Variants in SLIT2 observed in about 807,000 individuals in gnomAD.
SLIT2 encodes the protein slit homolog 2 protein.
In SLIT2, 41 loss-of-function variants were observed where a neutral mutation model predicts 185.7. The ratio of observed to expected loss-of-function variants is 0.22; its 90% confidence interval spans 0.17 to 0.29. SLIT2 has a LOEUF of 0.29. SLIT2 is among the 10% of genes least tolerant of loss of function. The pLI, the probability that SLIT2 is intolerant of heterozygous loss-of-function variation, is 1.00. For synonymous variants in SLIT2, 693 were observed against 680.2 expected (o/e 1.02, Z -0.29); for missense variants, 1,571 against 1,909.0 (o/e 0.82, Z 3.30).
chr4:20,301,319 T>G (rs1430220330), intron 4 of SLIT2, among the ~76,000 whole-genome samples: 1 of 152,198 alleles, frequency 6.6e-6, no homozygotes, highest in African/African-American at 2.4e-5. Flanking sequence ...TATTTGAAAC[T>G]TTCTGTATGA....
intron 4 of SLIT2, among the ~76,000 whole-genome samples, chr4:20,333,418 T>A (rs1379566779): frequency 6.6e-6 from 1 of 152,202 alleles, no homozygotes; most frequent in African/African-American, 2.4e-5. Flanking sequence ...ACTCTTTTTT[T>A]AAATCATTGT....
Position 20,535,317 on chromosome 4 carries a change from G to T in SLIT2, c.1832+1602G>T, listed in dbSNP as rs115182134. Among the ~76,000 whole-genome samples, 451 of 151,884 alleles carry T rather than the reference G, an allele frequency of 3.0e-3. 1 individual carries two copies. Among genetic ancestry groups the T allele is most frequent in the African/African-American group, 0.01 (430 of 41,428 alleles). The stretch of plus-strand genomic sequence containing the variant: ...CTGTCTCATAAAAAAGAAAAGAAAA[G>T]AAAGATACTGAGGAATGTGTAGGAA... On this transcript the variant is annotated intron_variant, in intron 18 of 36. Transcript: ENST00000504154.
intron 4 of SLIT2, among the ~76,000 whole-genome samples, chr4:20,352,651 C>T (rs1467612923): frequency 1.3e-5 from 2 of 152,136 alleles, no homozygotes; most frequent in East Asian, 1.9e-4. Context: ...TAGTGGCTCA[C>T]GCCTGTAATC....
rs1722797938 is a variant in SLIT2 at position 20,541,493 on chromosome 4, G to A, written c.2017G>A (p.Ala673Thr). The A allele has an allele frequency of 2.5e-6, 4 of 1,614,004 alleles. No homozygotes were observed. In the South Asian group the frequency reaches 3.3e-5, roughly 13 times the overall value. ...TCCTTTTAACTGTAACTGCTACCTG[G>A]CTTGGTTGGGAGAGTGGCTGAGAAA... ...ANPFNCNCYL[A>T]WLGEWLRKKR... Residue 673 changes from alanine (A) to threonine (T), a missense_variant, in exon 20 of 37, where the codon GCT becomes ACT. Transcript: ENST00000504154.
At chr4:20,560,187 A>T (rs970134061) in intron 26 of SLIT2, among the ~76,000 whole-genome samples, 2 of 151,940 alleles carry the variant, frequency 1.3e-5, no homozygotes, top group South Asian at 4.1e-4. Flanking sequence ...CAAACTCTCA[A>T]TATTAAGGTT....
At chr4:20,474,876 T>C (rs970325320) in intron 5 of SLIT2, among the ~76,000 whole-genome samples, 7 of 152,122 alleles carry the variant, frequency 4.6e-5, no homozygotes, top group Non-Finnish European at 8.8e-5. Context: ...TAAAGTACCT[T>C]TGTTATAGAC....
rs773824079 is a variant in SLIT2 at position 20,610,021 on chromosome 4, C to T, written c.3701C>T (p.Thr1234Ile). 6.2e-7 allele frequency: 1 copy of T among 1,611,582 alleles called. No individual in the cohort carries two copies. Among genetic ancestry groups the T allele is most frequent in the South Asian group, 1.1e-5 (1 of 90,660 alleles). ...TTTTTTTTCCGTTGTAGTGTGGAGA[C>T]AATCAATGATGGAAACTTCCACATT... ...HPASAIYSVETINDGNFHIVE... is the reference protein window; with the variant it reads ...HPASAIYSVEIINDGNFHIVE... The change falls in exon 34 of 37, where the codon ACA becomes ATA. Residue 1234 changes from threonine to isoleucine, a missense_variant. Transcript: ENST00000504154.
At chr4:20,441,593 A>G (rs528732485) in intron 4 of SLIT2, among the ~76,000 whole-genome samples, 2 of 151,446 alleles carry the variant, frequency 1.3e-5, no homozygotes, top group East Asian at 2.0e-4. Flanking sequence ...TTGCAAAAAT[A>G]CATACATACA....
chr4:20,521,254 T>C (rs1720816392), intron 12 of SLIT2, among the ~76,000 whole-genome samples: 1 of 152,220 alleles, frequency 6.6e-6, no homozygotes, highest in Admixed American at 6.5e-5. Flanking sequence ...TTTATAAAGT[T>C]TCATTTCTAC....
At chr4:20,483,456 T>C (rs1301177588) in intron 6 of SLIT2, among the ~76,000 whole-genome samples, 2 of 152,192 alleles carry the variant, frequency 1.3e-5, no homozygotes, top group Non-Finnish European at 2.9e-5. Context: ...AAAAATAACA[T>C]TGGAAACTAA....
chr4:20,352,251 T>C (rs1471772779), intron 4 of SLIT2, among the ~76,000 whole-genome samples: 1 of 152,190 alleles, frequency 6.6e-6, no homozygotes, highest in African/African-American at 2.4e-5. Context: ...CATCATCCAT[T>C]GAACCTGTCA....
intron 5 of SLIT2, among the ~76,000 whole-genome samples, chr4:20,474,728 G>A (rs903645034): frequency 6.6e-6 from 1 of 151,844 alleles, no homozygotes; most frequent in Non-Finnish European, 1.5e-5. Flanking sequence ...AAAATAGCCT[G>A]CTAATTGAAT....
intron 30 of SLIT2, among the ~76,000 whole-genome samples, chr4:20,591,420 GC>G (rs998720328): frequency 5.3e-5 from 8 of 151,992 alleles, no homozygotes; most frequent in Non-Finnish European, 1.2e-4. Flanking sequence ...TTGACAATGT[GC>G]TTTTGCTTTA....
intron 4 of SLIT2, among the ~76,000 whole-genome samples, chr4:20,463,336 T>C (rs1184265973): frequency 1.3e-5 from 2 of 151,068 alleles, no homozygotes; most frequent in East Asian, 3.9e-4. Flanking sequence ...GTGGCCTGGG[T>C]CAACCAAGCC....
At chr4:20,269,504 C>G (rs933758999) in intron 4 of SLIT2, among the ~76,000 whole-genome samples, 3 of 151,782 alleles carry the variant, frequency 2.0e-5, no homozygotes, top group Admixed American at 1.3e-4. Flanking sequence ...ACTTTTTCCT[C>G]CCTGGAATGC....
At position 20,350,334 on chromosome 4, in the gene SLIT2, T is replaced by C. The variant is rs771966231; in HGVS notation, c.395+81453T>C. Among the ~76,000 whole-genome samples, 106 of 152,196 alleles carry C rather than the reference T, an allele frequency of 7.0e-4. 1 individual carries two copies. The highest frequency in any genetic ancestry group is 2.2e-3 in the Admixed American group (34 of 15,284). ...GTACAAATATCCTCCAACCCAATTTTAAAAATAACTTATATGTAGTCTGGA... is the reference window on the plus strand; with the variant it reads ...GTACAAATATCCTCCAACCCAATTTCAAAAATAACTTATATGTAGTCTGGA... On this transcript the variant is annotated intron_variant, in intron 4 of 36. Coordinates refer to ENST00000504154, the MANE Select transcript of SLIT2 (RefSeq NM_004787.4).
At chr4:20,384,559 A>G (rs527752654) in intron 4 of SLIT2, among the ~76,000 whole-genome samples, 1 of 152,288 alleles carries the variant, frequency 6.6e-6, no homozygotes, top group South Asian at 2.1e-4. Context: ...AATCCTAACA[A>G]TTATACTGAC....
intron 5 of SLIT2, 45 bp from the exon 6 acceptor site, chr4:20,480,671 T>G: frequency 1.4e-6 from 2 of 1,458,322 alleles, no homozygotes; most frequent in Non-Finnish European, 1.9e-6. Flanking sequence ...CTACCCCAGC[T>G]ACTGTCCATC....
intron 4 of SLIT2, chr4:20,392,135 T>C (rs1725475305): frequency 6.6e-6 from 1 of 151,906 alleles, no homozygotes; most frequent in South Asian, 2.1e-4. Flanking sequence ...TCATAGAGGG[T>C]ACTTACACAA....
Sources: allele counts gnomAD v4.1 joint callset (sites outside exome capture counted in the v4.1 genomes callset), GRCh38; gene constraint gnomAD v4.1.1; transcripts MANE v1.5; gene names NCBI Gene and HGNC (gene_info 2026-07-23, HGNC 2026-07-21).